Variants in PDE1C observed in about 807,000 individuals in gnomAD.
The protein encoded by PDE1C is dual specificity calcium/calmodulin-dependent 3',5'-cyclic nucleotide phosphodiesterase 1C.
Under a neutral mutation model 93.1 loss-of-function variants are expected in PDE1C, and 62 were observed. That is an observed-to-expected ratio of 0.67 (90% confidence interval 0.54 to 0.82). The LOEUF is 0.82. PDE1C is among the 40% of genes least tolerant of loss of function. The probability of loss-of-function intolerance (pLI) is 0.00; values close to 1 mark genes in which losing one functional copy is unlikely to be tolerated. For missense variants in PDE1C, 742 were observed against 884.6 expected, an observed-to-expected ratio of 0.84 and a Z score of 2.04; for synonymous variants, 325 against 310.1, an observed-to-expected ratio of 1.05 and a Z score of -0.50.
At chr7:31,643,593 T>A in the PDE1C span, 2 of 1,614,036 alleles carry the variant, frequency 1.2e-6, no homozygotes, top group Admixed American at 3.3e-5. Context: ...CTGTGTGTGA[T>A]CCTGTTACCG....
At chr7:32,279,555 G>C (rs1393262486) in intron 1 of PDE1C, among the ~76,000 whole-genome samples, 1 of 151,928 alleles carries the variant, frequency 6.6e-6, no homozygotes, top group Non-Finnish European at 1.5e-5. Flanking sequence ...ATATATACAT[G>C]CATTGAAATA....
intron 5 of PDE1C, among the ~76,000 whole-genome samples, chr7:31,873,882 A>G (rs1796228524): frequency 6.6e-6 from 1 of 152,200 alleles, no homozygotes; most frequent in South Asian, 2.1e-4. Flanking sequence ...TTAATTCACT[A>G]CAGCCTACGA....
At chr7:31,819,304 T>C (rs556084744) in intron 14 of PDE1C, among the ~76,000 whole-genome samples, 1 of 152,166 alleles carries the variant, frequency 6.6e-6, no homozygotes, top group East Asian at 1.9e-4. Context: ...AAAGAAAATA[T>C]ATTGACAGGA....
At chr7:31,991,339 T>A (rs774381363) in intron 2 of PDE1C, among the ~76,000 whole-genome samples, 3 of 152,116 alleles carry the variant, frequency 2.0e-5, no homozygotes, top group Non-Finnish European at 2.9e-5. Context: ...GAGGCAAAGA[T>A]TGGAAATGAG....
chr7:31,958,067 T>C (rs1472242214), intron 2 of PDE1C, among the ~76,000 whole-genome samples: 2 of 152,240 alleles, frequency 1.3e-5, no homozygotes, highest in Admixed American at 6.5e-5. Flanking sequence ...TTCTTCTGGC[T>C]TAAAAATTAT....
At chr7:32,038,924 A>T (rs772861464) in intron 2 of PDE1C, among the ~76,000 whole-genome samples, 59 of 152,200 alleles carry the variant, frequency 3.9e-4, no homozygotes, top group Non-Finnish European at 7.6e-4. Context: ...TCTCAAAATC[A>T]TGCTCCCAGA....
chr7:32,262,806 G>A (rs1297473121), intron 1 of PDE1C, among the ~76,000 whole-genome samples: 3 of 152,196 alleles, frequency 2.0e-5, no homozygotes, highest in Non-Finnish European at 4.4e-5. Context: ...GATTAAAGTT[G>A]ATTTTTAGAA....
At chr7:31,945,817 T>G (rs1271596691) in intron 2 of PDE1C, among the ~76,000 whole-genome samples, 1 of 152,206 alleles carries the variant, frequency 6.6e-6, no homozygotes, top group Non-Finnish European at 1.5e-5. Flanking sequence ...TGTTACATCT[T>G]TTGAAATAGT....
At chr7:32,177,706 G>A (rs777999739) in intron 2 of PDE1C, among the ~76,000 whole-genome samples, 19 of 152,164 alleles carry the variant, frequency 1.2e-4, no homozygotes, top group Non-Finnish European at 2.4e-4. Context: ...CTTGCCTACA[G>A]CAGCCTGATC....
chr7:31,919,624 C>G (rs939233269), intron 2 of PDE1C, among the ~76,000 whole-genome samples: 1 of 152,108 alleles, frequency 6.6e-6, no homozygotes, highest in Non-Finnish European at 1.5e-5. Context: ...CGAGGGCAAA[C>G]CAACACGTAA....
intron 2 of PDE1C, among the ~76,000 whole-genome samples, chr7:32,178,822 G>A (rs552097118): frequency 3.3e-5 from 5 of 152,028 alleles, no homozygotes; most frequent in East Asian, 1.9e-4. Context: ...TAAACCCTCC[G>A]GACTGGTTAT....
chr7:32,014,548 G>A (rs906849886), intron 2 of PDE1C, among the ~76,000 whole-genome samples: 1 of 151,996 alleles, frequency 6.6e-6, no homozygotes, highest in Non-Finnish European at 1.5e-5. Context: ...GTGGTTTGCC[G>A]CACCTATCAA....
chr7:32,230,439 G>T (rs1807612704), intron 1 of PDE1C, among the ~76,000 whole-genome samples: 1 of 152,084 alleles, frequency 6.6e-6, no homozygotes, highest in Non-Finnish European at 1.5e-5. Flanking sequence ...TCCCCAAGGT[G>T]CAGCTTCCTT....
intron 1 of PDE1C, among the ~76,000 whole-genome samples, chr7:32,307,044 G>C (rs892549511): frequency 5.3e-5 from 8 of 152,194 alleles, no homozygotes; most frequent in African/African-American, 1.9e-4. Context: ...TTCCTGGAGA[G>C]GATTCAGACC....
chr7:32,249,102 C>T (rs1809173315), intron 1 of PDE1C, among the ~76,000 whole-genome samples: 1 of 151,846 alleles, frequency 6.6e-6, no homozygotes, highest in Non-Finnish European at 1.5e-5. Context: ...GAGTGGGTGG[C>T]CTTGGGGGCA....
chr7:31,679,764 G>A, the PDE1C span, among the ~76,000 whole-genome samples: 14 of 152,250 alleles, frequency 9.2e-5, no homozygotes, highest in Admixed American at 4.6e-4. Flanking sequence ...CAATTCCCTC[G>A]CCAATTTCCT....
chr7:31,953,184 A>T (rs535321431), intron 2 of PDE1C, among the ~76,000 whole-genome samples: 2 of 152,298 alleles, frequency 1.3e-5, no homozygotes, highest in East Asian at 3.9e-4. Context: ...TACTAATTGT[A>T]TCTTTAACCA....
At position 32,178,331 on chromosome 7, in the gene PDE1C, G is replaced by A. The variant is rs181662526; in HGVS notation, c.137-8375C>T. On this transcript the variant is annotated intron_variant, in intron 2 of 18. Coordinates refer to the PDE1C transcript ENST00000396193. Reference sequence around the variant, plus strand: ...CTCCTCTGTGAACTCTGAGAGAGTGGAAAAGAACCCTTCCTCTGACTCTCC... The same window carrying A: ...CTCCTCTGTGAACTCTGAGAGAGTGAAAAAGAACCCTTCCTCTGACTCTCC... Among the ~76,000 whole-genome samples the A allele has an allele frequency of 2.0e-5, 3 of 152,282 alleles. No homozygotes were observed. In the East Asian group the frequency reaches 5.8e-4, roughly 29 times the overall value.
chr7:31,639,545 T>G, the PDE1C span, among the ~76,000 whole-genome samples: 11 of 6,856 alleles, frequency 1.6e-3, no homozygotes, highest in South Asian at 8.2e-3. Context: ...TTTGTTTTTT[T>G]TTTTTTTTTG....
Sources: gnomAD v4.1 joint callset for allele counts (sites outside exome capture counted in the v4.1 genomes callset) on GRCh38, gnomAD v4.1.1 for gene constraint, MANE v1.5 for transcripts, NCBI Gene and HGNC (gene_info 2026-07-23, HGNC 2026-07-21) for gene names.